The following RAB20 variants were observed in gnomAD, a reference collection of about 807,000 sequenced individuals.
RAB20 encodes the protein ras-related protein Rab-20.
A neutral mutation model predicts 3.7 loss-of-function variants in RAB20; 2 were observed. The ratio of observed to expected loss-of-function variants is 0.54; its 90% CI spans 0.22 to 1.69. The LOEUF is 1.69. Ranked by LOEUF, RAB20 falls within the 40% of genes most tolerant of loss-of-function variation. RAB20 has a pLI of 0.19. For missense variants in RAB20, 276 were observed against 311.9 expected, an observed-to-expected ratio of 0.88 and a Z score of 0.87; for synonymous variants, 126 against 130.8, an observed-to-expected ratio of 0.96 and a Z score of 0.25.
chr13:110,535,552 T>C (rs2139578478), intron 1 of RAB20, among the ~76,000 whole-genome samples: 1 of 152,398 alleles, frequency 6.6e-6, no homozygotes, highest in East Asian at 1.9e-4. Flanking sequence ...GAGACTCTAC[T>C]GGCGAGATTG....
chr13:110,536,730 G>GGA (rs1555335607), intron 1 of RAB20, among the ~76,000 whole-genome samples: 1 of 89,280 alleles, frequency 1.1e-5, no homozygotes, highest in African/African-American at 6.1e-5. Flanking sequence ...TTGGGGCGGT[G>GGA]GGGGGGGGTT....
chr13:110,543,191 C>T (rs1388405046), intron 1 of RAB20, among the ~76,000 whole-genome samples: 1 of 152,048 alleles, frequency 6.6e-6, no homozygotes, highest in African/African-American at 2.4e-5. Flanking sequence ...GGCTAGAGTG[C>T]GGTGGTGTGA....
intron 1 of RAB20, among the ~76,000 whole-genome samples, chr13:110,545,949 C>T (rs953891419): frequency 1.3e-5 from 2 of 152,122 alleles, no homozygotes; most frequent in African/African-American, 4.8e-5. Flanking sequence ...ACAGAAACAC[C>T]GTGGATCCTG....
rs116292144 is a variant in RAB20, at chr13:110,524,275, G to A, written c.173-78C>T. On this transcript the variant is annotated intron_variant, in intron 1 of 1. Transcript: ENST00000267328. ...GCCACCAGCCACACTGCAAGGGAAC[G>A]TCCCACAGGGATGTTTATTTTTAGG... The A allele has an allele frequency of 1.6e-3, 2,339 of 1,486,940 alleles. 39 individuals carry two copies. In the African/African-American group the frequency reaches 0.028, roughly 18 times the overall value. 92.1% of individuals were successfully genotyped at this position (1,486,940 alleles called of 1,614,324 possible).
intron 1 of RAB20, among the ~76,000 whole-genome samples, chr13:110,529,459 G>A (rs898787777): frequency 6.6e-6 from 1 of 152,148 alleles, no homozygotes; most frequent in African/African-American, 2.4e-5. Context: ...AGTACCAATC[G>A]TGAAGCCAAA....
At position 110,561,688 on chromosome 13, in the gene RAB20, C is replaced by CGT; in HGVS notation, c.-171_-170dup. 1 of 1,212,810 alleles carries CGT rather than the reference C, an allele frequency of 8.2e-7. No homozygotes were observed. The highest frequency in any genetic ancestry group is 2.2e-5 in the South Asian group (1 of 45,098). 75.1% of individuals were successfully genotyped at this position (1,212,810 alleles called of 1,614,324 possible). A position where few individuals can be genotyped will look rare whatever the true frequency, so the allele number is the denominator to read the frequency against. On this transcript the variant is annotated 5_prime_UTR_variant, in exon 1 of 2. Transcript: ENST00000267328. ...GCCCGGGAGCTCAAGAGAGGAAGCG[C>CGT]GTGTGCGCGCCCGGGAAGGAGCTGG...
rs141643056 is a variant in RAB20, at chr13:110,538,731, T to G, written c.173-14534A>C. ...ATCCACTCCCAGAAAACCAGCTCCC[T>G]GGGGACGGCTGTTTCCTCCCAGCAA... On this transcript the variant is annotated intron_variant, in intron 1 of 1. Transcript: ENST00000267328. Among the ~76,000 whole-genome samples the G allele has an allele frequency of 2.0e-5, 3 of 152,000 alleles. No homozygotes were observed. The East Asian group carries it at 5.8e-4, about 29-fold the overall frequency.
chr13:110,537,387 A>C (rs533128800), intron 1 of RAB20, among the ~76,000 whole-genome samples: 1 of 152,142 alleles, frequency 6.6e-6, no homozygotes, highest in East Asian at 1.9e-4. Flanking sequence ...TTACACAACA[A>C]GAAGTTGTCC....
chr13:110,531,952 C>T (rs1301573061), intron 1 of RAB20, among the ~76,000 whole-genome samples: 19 of 152,310 alleles, frequency 1.2e-4, no homozygotes, highest in African/African-American at 4.3e-4. Flanking sequence ...AAAAACTGCC[C>T]AAGTGCTTTC....
intron 1 of RAB20, among the ~76,000 whole-genome samples, chr13:110,540,137 GTTCT>G (rs1056461100): frequency 2.6e-5 from 4 of 152,214 alleles, no homozygotes; most frequent in African/African-American, 9.6e-5. Context: ...ACTCAGAGAT[GTTCT>G]TTAACACTCC....
intron 1 of RAB20, among the ~76,000 whole-genome samples, chr13:110,560,901 G>C (rs537267555): frequency 2.2e-4 from 34 of 152,230 alleles, no homozygotes; most frequent in African/African-American, 7.9e-4. Flanking sequence ...AACCCAACAG[G>C]GGGGAACACT....
intron 1 of RAB20, among the ~76,000 whole-genome samples, chr13:110,526,170 G>C (rs1246417559): frequency 7.5e-6 from 1 of 133,742 alleles, no homozygotes; most frequent in Non-Finnish European, 1.6e-5. Flanking sequence ...CTTAGGCCAA[G>C]AGGAGGGAGA....
At chr13:110,546,471 G>A (rs992165843) in intron 1 of RAB20, among the ~76,000 whole-genome samples, 5 of 152,170 alleles carry the variant, frequency 3.3e-5, no homozygotes, top group South Asian at 2.1e-4. Flanking sequence ...AGATGGTAGC[G>A]TCCCGAAAGG....
Position 110,561,601 on chromosome 13 carries a change from C to T in RAB20, c.-82G>A. 9 of 1,485,780 alleles carry T rather than the reference C, an allele frequency of 6.1e-6. No individual in the cohort carries two copies. The South Asian group carries it at 1.2e-4, about 20-fold the overall frequency. The allele number at this position is 1,485,780 out of a possible 1,614,324, so 92.0% of individuals were successfully genotyped here. A position where few individuals can be genotyped will look rare whatever the true frequency, so the allele number is the denominator to read the frequency against. On this transcript the variant is annotated 5_prime_UTR_variant, in exon 1 of 2. Coordinates refer to ENST00000267328, the MANE Select transcript of RAB20 (RefSeq NM_017817.3). Reference sequence around the variant, plus strand: ...TGCGCCCTGGGCGCAGCTGGAGGAGCGGACCCCGGACTCGCCGGGACCCGG... The same window carrying T: ...TGCGCCCTGGGCGCAGCTGGAGGAGTGGACCCCGGACTCGCCGGGACCCGG...
intron 1 of RAB20, among the ~76,000 whole-genome samples, chr13:110,534,456 A>G (rs1884604869): frequency 6.6e-6 from 1 of 152,176 alleles, no homozygotes; most frequent in Non-Finnish European, 1.5e-5. Flanking sequence ...ACCGTGATGT[A>G]CGAGTGTGCC....
Position 110,555,648 on chromosome 13 carries a change from C to A in RAB20, c.172+5700G>T, listed in dbSNP as rs774074785. Among the ~76,000 whole-genome samples the A allele has an allele frequency of 1.3e-5, 2 of 152,224 alleles. No homozygotes were observed. Among genetic ancestry groups the A allele is most frequent in the Non-Finnish European group, 2.9e-5 (2 of 68,038 alleles). On this transcript the variant is annotated intron_variant, in intron 1 of 1. Transcript: ENST00000267328. This position sits in a 1 kb window ranked among gnomAD's most constrained non-coding sequence, Gnocchi z 4.0. ...GCTTGGGCAGAGGACGCCACGGAAG[C>A]GCAAACGTGAATCAGCCTGTGCCTT...
rs1189731522 is a variant in RAB20, at chr13:110,561,352, G to T, written c.168C>A (p.Thr56=). The T allele has an allele frequency of 1.9e-6, 3 of 1,600,940 alleles. No individual in the cohort carries two copies. The highest frequency in any genetic ancestry group is 2.6e-6 in the Non-Finnish European group (3 of 1,174,434). The change falls in exon 1 of 2, where the codon ACC becomes ACA. Residue 56 remains threonine (T), a synonymous_variant. Coordinates refer to ENST00000267328, the MANE Select transcript of RAB20 (RefSeq NM_017817.3). ...WRSYNISIWD[T]AGREQFHGLG... ...CTCATGCGGCGCCGGCCTCACCTGC[G>T]GTGTCCCAGATGGAGATGTTGTAGG...
chr13:110,551,153 T>A (rs1177172285), intron 1 of RAB20, among the ~76,000 whole-genome samples: 1 of 152,122 alleles, frequency 6.6e-6, no homozygotes, highest in African/African-American at 2.4e-5. Context: ...TATGGAAAAC[T>A]CCAAGTGAGT....
chr13:110,542,593 G>A (rs1218024543), intron 1 of RAB20, among the ~76,000 whole-genome samples: 3 of 152,076 alleles, frequency 2.0e-5, no homozygotes, highest in Admixed American at 6.6e-5. Flanking sequence ...TTTGTCTTTC[G>A]GTATCTGGTT....
Sources: gnomAD v4.1 joint callset for allele counts (sites outside exome capture counted in the v4.1 genomes callset) on GRCh38, gnomAD v4.1.1 for gene constraint, Gnocchi (gnomAD v3.1) non-coding constraint, MANE v1.5 for transcripts, NCBI Gene and HGNC (gene_info 2026-07-23, HGNC 2026-07-21) for gene names.